The following CHIA variants were observed in gnomAD, a reference collection of about 807,000 sequenced individuals.
CHIA encodes the protein chitinase acidic.
CHIA carries 47 observed loss-of-function variants against 53.5 expected under a neutral mutation model. The observed-to-expected ratio is 0.88, with a 90% CI of 0.70 to 1.12. The LOEUF (loss-of-function observed/expected upper bound fraction) is 1.12, where lower values mean the gene tolerates loss of function less well. CHIA is among the 50% of genes most tolerant of loss of function. CHIA has a pLI of 0.00. For missense variants in CHIA, 652 were observed against 592.2 expected, an observed-to-expected ratio of 1.10 and a Z score of -1.05; for synonymous variants, 268 against 222.2, an observed-to-expected ratio of 1.21 and a Z score of -1.83.
chr1:111,319,404 C>T lies in CHIA; in HGVS notation c.1113C>T (p.Phe371=), dbSNP rs76395847. The T allele has an allele frequency of 5.9e-5, 95 of 1,614,208 alleles. 2 individuals are homozygous for T. The East Asian group carries it at 1.9e-3, about 33-fold the overall frequency. The change falls in exon 11 of 12, where the codon TTC becomes TTT. Residue 371 remains phenylalanine (F), a synonymous_variant. Coordinates refer to ENST00000369740, the MANE Select transcript of CHIA (RefSeq NM_201653.4). ...ATCTGGATGACTTCACTGGCACTTTCTGCAACCAGGGCAAGTTTCCCCTAA... is the reference window on the plus strand; with the variant it reads ...ATCTGGATGACTTCACTGGCACTTTTTGCAACCAGGGCAAGTTTCCCCTAA... ...AIDLDDFTGT[F]CNQGKFPLIS... is the part of the protein sequence containing the mutation.
At chr1:111,300,801 A>C (rs561506310) in intron 1 of CHIA, among the ~76,000 whole-genome samples, 1 of 152,214 alleles carries the variant, frequency 6.6e-6, no homozygotes, top group African/African-American at 2.4e-5. Context: ...GGCAACCTAC[A>C]GAATGGGAGG....
intron 1 of CHIA, among the ~76,000 whole-genome samples, chr1:111,292,835 CAT>C (rs1414632817): frequency 1.3e-5 from 2 of 152,148 alleles, no homozygotes; most frequent in Admixed American, 6.5e-5. Flanking sequence ...ACAGAAAAAT[CAT>C]ATATTATCTG....
chr1:111,317,764 C>T lies in CHIA; in HGVS notation c.564C>T (p.Ile188=). ...LMVTAAVAAG[I]SNIQSGYEIP... is the part of the protein sequence containing the mutation. ...TCACTGCTGCAGTAGCTGCTGGCAT[C>T]TCCAATATCCAGTCTGGCTATGAGA... The change falls in exon 7 of 12, where the codon ATC becomes ATT. Residue 188 remains isoleucine (I), a synonymous_variant. Coordinates refer to ENST00000369740, the MANE Select transcript of CHIA (RefSeq NM_201653.4). 1.2e-6 allele frequency: 2 copies of T among 1,613,760 alleles called. No individual in the cohort carries two copies. The highest frequency in any genetic ancestry group is 1.7e-6 in the Non-Finnish European group (2 of 1,180,020).
chr1:111,298,692 G>C (rs1314786953), intron 1 of CHIA, among the ~76,000 whole-genome samples: 6 of 152,094 alleles, frequency 3.9e-5, no homozygotes, highest in African/African-American at 1.4e-4. Flanking sequence ...AGAAGCAAGA[G>C]AAAACGCATT....
chr1:111,318,718 G>A (rs558109208), intron 9 of CHIA, 40 bp downstream of exon 9: 3 of 1,581,798 alleles, frequency 1.9e-6, no homozygotes, highest in South Asian at 1.2e-5. Flanking sequence ...TGAATTCCGT[G>A]CACTGTGCCT....
At chr1:111,320,192 T>A (rs775634313) in intron 11 of CHIA, 21 bp from the exon 12 acceptor site, 1 of 1,609,042 alleles carries the variant, frequency 6.2e-7, no homozygotes, top group South Asian at 1.1e-5. Flanking sequence ...ACTAGTCTGC[T>A]CTTACTGCTG....
At chr1:111,293,601 TTTGTGCA>T (rs1661159673) in intron 1 of CHIA, among the ~76,000 whole-genome samples, 1 of 152,250 alleles carries the variant, frequency 6.6e-6, no homozygotes, top group African/African-American at 2.4e-5. Context: ...TGAAGTCCAA[TTTGTGCA>T]TTGTATTCTT....
chr1:111,314,774 T>C, intron 5 of CHIA, 178 bp downstream of exon 5: 1 of 559,296 alleles, frequency 1.8e-6, no homozygotes, highest in Non-Finnish European at 3.2e-6. Context: ...GAACACAATT[T>C]ATTTCATACA....
At chr1:111,299,151 C>T (rs559459406) in intron 1 of CHIA, among the ~76,000 whole-genome samples, 1 of 152,256 alleles carries the variant, frequency 6.6e-6, no homozygotes, top group Non-Finnish European at 1.5e-5. Flanking sequence ...CCGAATTCTA[C>T]CAGATGTACA....
chr1:111,317,935 G>A (rs1241494030), intron 7 of CHIA, 51 bp from the exon 8 acceptor site: 1 of 1,613,224 alleles, frequency 6.2e-7, no homozygotes, highest in Admixed American at 1.7e-5. Flanking sequence ...TGCCTGCATA[G>A]GTGTGGGAAA....
At chr1:111,313,727 T>C (rs1648897150) in intron 4 of CHIA, among the ~76,000 whole-genome samples, 2 of 152,206 alleles carry the variant, frequency 1.3e-5, no homozygotes, top group Non-Finnish European at 2.9e-5. Flanking sequence ...CTGTAGCTCT[T>C]GGAGCTTTTT....
intron 6 of CHIA, 32 bp from the exon 7 acceptor site, chr1:111,317,649 T>C (rs1323680398): frequency 1.2e-6 from 2 of 1,613,452 alleles, no homozygotes; most frequent in South Asian, 1.1e-5. Context: ...ATCAGCATCA[T>C]AGATGTCCTA....
In CHIA at chr1:111,311,721, A is replaced by G. The variant is rs775747670; in HGVS notation, c.55+3A>G. ...CCTTATACTGAATTTGCAGCTCGGTAAGTCATGGACTCCATGTTTTATCAT... is the reference window on the plus strand; with the variant it reads ...CCTTATACTGAATTTGCAGCTCGGTGAGTCATGGACTCCATGTTTTATCAT... On this transcript the variant is annotated splice_donor_region_variant and intron_variant, in intron 3 of 11. Transcript: ENST00000369740. 6.2e-7 allele frequency: 1 copy of G among 1,613,714 alleles called. No individual in the cohort carries two copies.
Position 111,312,273 on chromosome 1 carries a change from G to A in CHIA, c.139G>A (p.Asp47Asn), listed in dbSNP as rs41282494. Residue 47 changes from aspartate to asparagine, a missense_variant, in exon 4 of 12, where the codon GAC becomes AAC. Transcript: ENST00000369740. Reference sequence around the variant, plus strand: ...GGGGCGCTTCATGCCTGACAACATCGACCCCTGCCTCTGTACCCACCTGAT... The same window carrying A: ...GGGGCGCTTCATGCCTGACAACATCAACCCCTGCCTCTGTACCCACCTGAT... Reference protein sequence around the residue: ...GLGRFMPDNIDPCLCTHLIYA... With the variant: ...GLGRFMPDNINPCLCTHLIYA... The A allele has an allele frequency of 0.12, 191,973 of 1,612,240 alleles. 12,450 individuals are homozygous for A. The highest frequency in any genetic ancestry group is 0.19 in the African/African-American group (14,342 of 74,816).
intron 1 of CHIA, among the ~76,000 whole-genome samples, chr1:111,298,474 C>A (rs1292177144): frequency 6.6e-6 from 1 of 152,190 alleles, no homozygotes; most frequent in Non-Finnish European, 1.5e-5. Context: ...GGAAAGTGAA[C>A]AACCTGCTCC....
At chr1:111,293,985 G>A (rs537310844) in intron 1 of CHIA, among the ~76,000 whole-genome samples, 25 of 152,298 alleles carry the variant, frequency 1.6e-4, no homozygotes, top group Middle Eastern at 3.4e-3. Context: ...AGGAGGCTGA[G>A]GTGGGAGGAT....
chr1:111,312,338 C>CA lies in CHIA; in HGVS notation c.205dup (p.Ile69AsnfsTer5). On this transcript the variant is annotated frameshift_variant, in exon 4 of 12. Transcript: ENST00000369740. LOFTEE classifies it high-confidence loss of function. ...GGAGGCAGAACAACGAGATCACCAC[C>CA]ATCGAATGGAATGATGTGACTCTCT... 1 of 1,614,160 alleles carries CA rather than the reference C, an allele frequency of 6.2e-7. No homozygotes were observed. The highest frequency in any genetic ancestry group is 2.2e-5 in the East Asian group (1 of 44,888).
rs763851350 is a variant in CHIA at position 111,320,434 on chromosome 1, G to T, written c.1399G>T (p.Asp467Tyr). ...GAACTGCCAGGCCGGGCTTGTCTTC[G>T]ACACCAGCTGTGATTGCTGCAACTG... ...QQNCQAGLVF[D>Y]TSCDCCNWA is the part of the protein sequence containing the mutation. Residue 467 changes from aspartate to tyrosine, a missense_variant, in exon 12 of 12, where the codon GAC (aspartate) becomes TAC (tyrosine). By Grantham distance (160) the Asp-to-Tyr change is radical. Coordinates refer to ENST00000369740, the MANE Select transcript of CHIA (RefSeq NM_201653.4). The T allele has an allele frequency of 6.2e-7, 1 of 1,614,114 alleles. No homozygotes were observed. Among genetic ancestry groups the T allele is most frequent in the Non-Finnish European group, 8.5e-7 (1 of 1,179,982 alleles).
chr1:111,299,833 C>T (rs956698780), intron 1 of CHIA, among the ~76,000 whole-genome samples: 7 of 152,130 alleles, frequency 4.6e-5, no homozygotes, highest in East Asian at 1.9e-4. Context: ...TAGAAAACCC[C>T]GTCATCTCAG....
Sources: gnomAD v4.1 joint callset for allele counts (sites outside exome capture counted in the v4.1 genomes callset) on GRCh38, gnomAD v4.1.1 for gene constraint, MANE v1.5 for transcripts, NCBI Gene and HGNC (gene_info 2026-07-23, HGNC 2026-07-21) for gene names.